The following HINT3 variants were observed in gnomAD, a reference collection of about 807,000 sequenced individuals.
HINT3 encodes adenosine 5'-monophosphoramidase HINT3.
HINT3 carries 16 observed loss-of-function variants against 19.1 expected under a neutral mutation model. The ratio of observed to expected loss-of-function variants is 0.84; its 90% CI spans 0.57 to 1.27. The LOEUF (loss-of-function observed/expected upper bound fraction) is 1.27, where lower values mean the gene tolerates loss of function less well. Among genes scored for constraint, HINT3 ranks in the 50% most tolerant of loss-of-function variants. The pLI is 0.00. For synonymous variants in HINT3, 75 were observed against 84.8 expected (o/e 0.88, Z 0.63); for missense variants, 197 against 225.8 (o/e 0.87, Z 0.82).
rs1562211533 is a variant in HINT3, at chr6:125,960,671, A to AGGGGGGGGG, written c.201+3493_201+3494insGGGGGGGGG. On this transcript the variant is annotated intron_variant, in intron 1 of 4. Coordinates refer to ENST00000229633, the MANE Select transcript of HINT3 (RefSeq NM_138571.5). ...GACTCTCTCTGGGGGGGGGGAAAAAAAAAGAAGTTAGGGCAAGCAAGTGGC... is the reference window on the plus strand; with the variant it reads ...GACTCTCTCTGGGGGGGGGGAAAAAAGGGGGGGGGAAAGAAGTTAGGGCAAGCAAGTGGC... 1.2e-4 allele frequency among the ~76,000 whole-genome samples: 11 copies of AGGGGGGGGG among 92,512 alleles called. 1 individual carries two copies. The highest frequency in any genetic ancestry group is 4.7e-4 in the Admixed American group (3 of 6,372). 60.7% of individuals were successfully genotyped at this position (92,512 alleles called of 152,430 possible).
At chr6:125,964,373 A>G (rs186745484) in intron 1 of HINT3, among the ~76,000 whole-genome samples, 1 of 147,250 alleles carries the variant, frequency 6.8e-6, no homozygotes, top group South Asian at 2.2e-4. Context: ...TCTAGCATCC[A>G]TTCTCTTGTC....
At chr6:125,976,320 A>T (rs2128712177) in intron 4 of HINT3, among the ~76,000 whole-genome samples, 2 of 152,196 alleles carry the variant, frequency 1.3e-5, no homozygotes, top group South Asian at 4.1e-4. Context: ...CTGAGATAGG[A>T]GGATCGCTTG....
In HINT3 at chr6:125,957,133, G is replaced by T. The variant is rs1323607219; in HGVS notation, c.156G>T (p.Arg52=). Residue 52 remains arginine, a synonymous_variant, in exon 1 of 5, where the codon CGG becomes CGT. Coordinates refer to ENST00000229633, the MANE Select transcript of HINT3 (RefSeq NM_138571.5). ...ACGACAGCACCTGCGTGTTCTGCCG[G>T]ATCGCGGGGCGGCAGGACCCGGGCA... The part of the protein sequence containing the change: ...KDYDSTCVFC[R]IAGRQDPGTE... 6.4e-7 allele frequency: 1 copy of T among 1,550,410 alleles called. No homozygotes were observed. The highest frequency in any genetic ancestry group is 8.7e-7 in the Non-Finnish European group (1 of 1,146,628).
chr6:125,961,156 A>C (rs1162709216), intron 1 of HINT3, among the ~76,000 whole-genome samples: 1 of 152,212 alleles, frequency 6.6e-6, no homozygotes, highest in African/African-American at 2.4e-5. Context: ...AGACATGATC[A>C]GTACTTTCAA....
chr6:125,958,532 T>G (rs1427139763), intron 1 of HINT3, among the ~76,000 whole-genome samples: 1 of 152,178 alleles, frequency 6.6e-6, no homozygotes, highest in Non-Finnish European at 1.5e-5. Context: ...GGCTAGTAGA[T>G]TAATCTACCC....
intron 2 of HINT3, among the ~76,000 whole-genome samples, chr6:125,971,701 C>CTTTT (rs1202459509): frequency 1.6e-5 from 1 of 63,558 alleles, no homozygotes; most frequent in Non-Finnish European, 3.3e-5. Context: ...TGCCTGGCTA[C>CTTTT]CTTTTTTTTT....
chr6:125,966,184 G>A (rs930702529), intron 1 of HINT3, among the ~76,000 whole-genome samples: 6 of 151,758 alleles, frequency 4.0e-5, no homozygotes, highest in African/African-American at 1.2e-4. Flanking sequence ...AGGAAAGTTC[G>A]AAATTCAAAT....
rs961831126 is a variant in HINT3 at position 125,956,935 on chromosome 6, G to T, written c.-43G>T. The T allele has an allele frequency of 2.0e-6, 3 of 1,536,934 alleles. No individual in the cohort carries two copies. The highest frequency in any genetic ancestry group is 4.9e-5 in the East Asian group (2 of 40,738). On this transcript the variant is annotated 5_prime_UTR_variant, in exon 1 of 5. Transcript: ENST00000229633. ...ACGCGGAGACTGCGCGGGCCCGGTA[G>T]CCCTGGAGAGGCCGAGGCTCTAGGC...
intron 1 of HINT3, among the ~76,000 whole-genome samples, chr6:125,961,890 T>G: frequency 6.6e-6 from 1 of 152,014 alleles, no homozygotes; most frequent in East Asian, 1.9e-4. Context: ...TTGGCCTCTC[T>G]GTGAAGCTTT....
chr6:125,972,218 T>A (rs1446187466), intron 2 of HINT3, 41 bp from the exon 3 acceptor site: 12 of 1,305,190 alleles, frequency 9.2e-6, no homozygotes. Flanking sequence ...GTGACCTTAA[T>A]GTCTCCTCTA....
intron 2 of HINT3, among the ~76,000 whole-genome samples, chr6:125,971,200 G>A (rs1297219689): frequency 2.0e-5 from 3 of 152,148 alleles, no homozygotes; most frequent in Non-Finnish European, 4.4e-5. Context: ...TAAAGGAGAT[G>A]GAATTTGGAA....
At chr6:125,962,322 T>G (rs1788957432) in intron 1 of HINT3, among the ~76,000 whole-genome samples, 1 of 133,064 alleles carries the variant, frequency 7.5e-6, no homozygotes, top group Non-Finnish European at 1.5e-5. Context: ...CATATATATA[T>G]ATATATATCA....
chr6:125,971,678 G>A (rs1789103324), intron 2 of HINT3, among the ~76,000 whole-genome samples: 1 of 148,058 alleles, frequency 6.8e-6, no homozygotes, highest in African/African-American at 2.5e-5. Flanking sequence ...AGGACTATAG[G>A]TGTGCACCAC....
intron 1 of HINT3, among the ~76,000 whole-genome samples, chr6:125,959,635 A>G (rs1422290969): frequency 6.6e-6 from 1 of 152,238 alleles, no homozygotes; most frequent in Non-Finnish European, 1.5e-5. Flanking sequence ...AAATACAGAC[A>G]ACTCTCACAG....
Position 125,962,181 on chromosome 6 carries a change from T to C in HINT3, c.202-4706T>C, listed in dbSNP as rs62426372. On this transcript the variant is annotated intron_variant, in intron 1 of 4. Coordinates refer to ENST00000229633, the MANE Select transcript of HINT3 (RefSeq NM_138571.5). ...ATATACACATATATATATATATATATATATACACATATATATATATATATA... is the reference window on the plus strand; with the variant it reads ...ATATACACATATATATATATATATACATATACACATATATATATATATATA... 5.2e-3 allele frequency among the ~76,000 whole-genome samples: 435 copies of C among 83,624 alleles called. 35 individuals are homozygous for C. The highest frequency in any genetic ancestry group is 0.018 in the Middle Eastern group (3 of 170). The allele number at this position is 83,624 out of a possible 152,430, so 54.9% of individuals were successfully genotyped here. A position where few individuals can be genotyped will look rare whatever the true frequency, so the allele number is the denominator to read the frequency against.
chr6:125,962,255 CAT>C (rs1389282551), intron 1 of HINT3, among the ~76,000 whole-genome samples: 1,992 of 14,892 alleles, frequency 0.13, 249 homozygotes, highest in Non-Finnish European at 0.16. Context: ...TATATACACA[CAT>C]ATATATATAT....
In HINT3 at chr6:125,966,971, T is replaced by A. The variant is rs762735911; in HGVS notation, c.286T>A (p.Cys96Ser). The change falls in exon 2 of 5, where the codon TGC becomes AGC. Residue 96 changes from cysteine to serine, a missense_variant. Transcript: ENST00000229633. ...LVVPKKHIGN[C>S]RTLRKDQVEL... The stretch of plus-strand genomic sequence containing the variant: ...GGTGCCAAAGAAGCATATTGGAAAC[T>A]GCAGAACTCTAAGGAAAGATCAAGT... 5.6e-6 allele frequency: 9 copies of A among 1,611,374 alleles called. No individual in the cohort carries two copies. The highest frequency in any genetic ancestry group is 1.6e-4 in the Middle Eastern group (1 of 6,078).
intron 2 of HINT3, among the ~76,000 whole-genome samples, chr6:125,969,307 A>G (rs148122233): frequency 1.1e-4 from 16 of 152,298 alleles, no homozygotes; most frequent in African/African-American, 3.8e-4. Context: ...TGAAGATCAG[A>G]TGGCTGCAGG....
intron 4 of HINT3, among the ~76,000 whole-genome samples, chr6:125,977,232 T>G (rs772626384): frequency 1.8e-4 from 27 of 152,186 alleles, no homozygotes; most frequent in Non-Finnish European, 4.0e-4. Context: ...CTTTCCCCTC[T>G]AACTCCTGGC....
Sources: allele counts gnomAD v4.1 joint callset (sites outside exome capture counted in the v4.1 genomes callset), GRCh38; gene constraint gnomAD v4.1.1; transcripts MANE v1.5; gene names NCBI Gene and HGNC (gene_info 2026-07-23, HGNC 2026-07-21).